Variants in MACROH2A2 observed in about 807,000 individuals in gnomAD.
MACROH2A2 encodes the protein macroH2A.2 histone.
MACROH2A2 carries 6 observed loss-of-function variants against 37.6 expected under a neutral mutation model. The ratio of observed to expected loss-of-function variants is 0.16; its 90% CI spans 0.09 to 0.32. The LOEUF (loss-of-function observed/expected upper bound fraction) is 0.32. MACROH2A2 is among the 10% of genes least tolerant of loss of function. The pLI is 1.00. For missense variants in MACROH2A2, 290 were observed against 485.9 expected, an observed-to-expected ratio of 0.60 and a Z score of 3.79; for synonymous variants, 192 against 202.7, an observed-to-expected ratio of 0.95 and a Z score of 0.45.
At chr10:70,108,991 C>T (rs1344878461) in intron 7 of MACROH2A2, 42 bp from the exon 8 acceptor site, 1 of 1,581,062 alleles carries the variant, frequency 6.3e-7, no homozygotes, top group South Asian at 1.1e-5. Flanking sequence ...ACCTAGGAAA[C>T]CTTAGGAAAT....
intron 7 of MACROH2A2, among the ~76,000 whole-genome samples, chr10:70,106,791 G>C (rs962813351): frequency 7.3e-6 from 1 of 137,780 alleles, no homozygotes; most frequent in Non-Finnish European, 1.5e-5. Flanking sequence ...CAACAGAGGG[G>C]CATCCTGTCT....
chr10:70,103,921 G>A (rs149291959), intron 7 of MACROH2A2, among the ~76,000 whole-genome samples: 8 of 152,300 alleles, frequency 5.3e-5, no homozygotes, highest in Middle Eastern at 3.4e-3. Context: ...AATTTCAGAC[G>A]TGCAGAAGTT....
Position 70,093,853 on chromosome 10 carries a change from A to G in MACROH2A2, c.588+8A>G. The G allele has an allele frequency of 6.9e-7, 1 of 1,439,130 alleles. No individual in the cohort carries two copies. The allele number at this position is 1,439,130 out of a possible 1,614,324, so 89.1% of individuals were successfully genotyped here. On this transcript the variant is annotated splice_region_variant and intron_variant, in intron 5 of 8. Coordinates refer to ENST00000373255, the MANE Select transcript of MACROH2A2 (RefSeq NM_018649.3). ...CTTGTTCTGGGACAGAAGGTAACAA[A>G]GAGAATTGCCTTGTGCTATATTAAA...
intron 8 of MACROH2A2, 124 bp from the exon 9 acceptor site, chr10:70,111,394 G>C: frequency 1.2e-6 from 1 of 802,542 alleles, no homozygotes; most frequent in Non-Finnish European, 2.0e-6. Context: ...TAGGGTCAAA[G>C]GAGATCATGC....
chr10:70,108,530 G>C (rs2072350987), intron 7 of MACROH2A2, among the ~76,000 whole-genome samples: 3 of 152,076 alleles, frequency 2.0e-5, no homozygotes, highest in Admixed American at 1.3e-4. Context: ...TGACCTTCTT[G>C]CCTCCCTCTT....
chr10:70,077,000 C>G (rs1020686973), intron 2 of MACROH2A2, among the ~76,000 whole-genome samples: 2 of 73,928 alleles, frequency 2.7e-5, no homozygotes, highest in African/African-American at 1.2e-4. Flanking sequence ...CATGAGCCTT[C>G]CTTCCTCTTA....
chr10:70,053,910 CCGTGCGTATCGCTCGCGGGGCGCGG>C lies in MACROH2A2; in HGVS notation c.-60+913_-60+937del, dbSNP rs2071993527. On this transcript the variant is annotated intron_variant, in intron 1 of 8. Coordinates refer to ENST00000373255, the MANE Select transcript of MACROH2A2 (RefSeq NM_018649.3). This position sits in a 1 kb window ranked among gnomAD's most constrained non-coding sequence, Gnocchi z 4.8. ...AAAGGGCTCTGCCGGGCGCCGGACG[CCGTGCGTATCGCTCGCGGGGCGCGG>C]CGGTTGGGGACCAGCCCTGCCTCCC... is the stretch of plus-strand genomic sequence containing the variant. 1.3e-5 allele frequency among the ~76,000 whole-genome samples: 2 copies of C among 152,220 alleles called. No individual in the cohort carries two copies. Among genetic ancestry groups the C allele is most frequent in the African/African-American group, 4.8e-5 (2 of 41,462 alleles).
chr10:70,070,174 G>A (rs1035539683), intron 1 of MACROH2A2, among the ~76,000 whole-genome samples: 13 of 152,032 alleles, frequency 8.6e-5, no homozygotes, highest in East Asian at 3.9e-4. Flanking sequence ...CTTAAATTCC[G>A]CACAAGACCT....
At chr10:70,090,529 C>G (rs1347784734) in intron 3 of MACROH2A2, among the ~76,000 whole-genome samples, 1 of 152,214 alleles carries the variant, frequency 6.6e-6, no homozygotes, top group Non-Finnish European at 1.5e-5. Context: ...TATTTTAGAA[C>G]TGACTGTTTA....
rs181200686 is a variant in MACROH2A2 at position 70,073,681 on chromosome 10, G to C, written c.-59-1919G>C. Among the ~76,000 whole-genome samples the C allele has an allele frequency of 3.9e-5, 6 of 152,312 alleles. No individual in the cohort carries two copies. In the East Asian group the frequency reaches 1.2e-3, roughly 29 times the overall value. On this transcript the variant is annotated intron_variant, in intron 1 of 8. Transcript: ENST00000373255. The stretch of plus-strand genomic sequence containing the variant: ...AGAAAGGGCTTTGTTGCTAATTTCA[G>C]AGCTTTTAATATAGTCTCCTTGGTC...
chr10:70,058,529 C>A (rs1223910531), intron 1 of MACROH2A2, among the ~76,000 whole-genome samples: 1 of 152,020 alleles, frequency 6.6e-6, no homozygotes, highest in Non-Finnish European at 1.5e-5. Context: ...AGTTTAGATG[C>A]CCAAATTTGG....
intron 1 of MACROH2A2, among the ~76,000 whole-genome samples, chr10:70,061,107 T>G (rs1348576045): frequency 6.6e-6 from 1 of 152,222 alleles, no homozygotes; most frequent in Admixed American, 6.5e-5. Flanking sequence ...AATAAGGGCA[T>G]GTGCTAAGGG....
At chr10:70,088,302 C>T (rs1273095755) in intron 2 of MACROH2A2, among the ~76,000 whole-genome samples, 3 of 152,142 alleles carry the variant, frequency 2.0e-5, no homozygotes, top group Non-Finnish European at 2.9e-5. Context: ...TGCACACTTT[C>T]CCCCCTCATT....
intron 1 of MACROH2A2, among the ~76,000 whole-genome samples, chr10:70,055,233 GA>G (rs908781564): frequency 2.0e-5 from 3 of 152,196 alleles, no homozygotes; most frequent in African/African-American, 7.2e-5. Context: ...TGTTACCGGG[GA>G]GGGATGTGCA....
chr10:70,092,830 G>T (rs1239429397), intron 4 of MACROH2A2, among the ~76,000 whole-genome samples: 1 of 152,138 alleles, frequency 6.6e-6, no homozygotes, highest in Non-Finnish European at 1.5e-5. Flanking sequence ...ACAGCCTCTA[G>T]TCTCCTGCAG....
chr10:70,104,845 G>C (rs2072327210), intron 7 of MACROH2A2, among the ~76,000 whole-genome samples: 1 of 152,182 alleles, frequency 6.6e-6, no homozygotes, highest in South Asian at 2.1e-4. Context: ...GAAGAACTCA[G>C]CTCCAGGCTG....
chr10:70,094,457 A>C (rs545835533), intron 5 of MACROH2A2, among the ~76,000 whole-genome samples: 1 of 152,356 alleles, frequency 6.6e-6, no homozygotes, highest in East Asian at 1.9e-4. Context: ...TTATCTACCA[A>C]GTCAACTGGG....
intron 1 of MACROH2A2, among the ~76,000 whole-genome samples, chr10:70,056,080 A>G (rs957812300): frequency 6.6e-6 from 1 of 152,240 alleles, no homozygotes; most frequent in African/African-American, 2.4e-5. Context: ...AAAATTATAC[A>G]TCTCTATAAG....
intron 2 of MACROH2A2, among the ~76,000 whole-genome samples, chr10:70,089,172 A>G (rs1361149816): frequency 6.6e-6 from 1 of 152,194 alleles, no homozygotes; most frequent in Non-Finnish European, 1.5e-5. Context: ...CTTTACCTAC[A>G]TCACTATTCT....
Sources: allele counts gnomAD v4.1 joint callset (sites outside exome capture counted in the v4.1 genomes callset), GRCh38; gene constraint gnomAD v4.1.1; non-coding constraint Gnocchi (gnomAD v3.1); transcripts MANE v1.5; gene names NCBI Gene and HGNC (gene_info 2026-07-23, HGNC 2026-07-21).